Variants in OGFOD3 observed in about 807,000 individuals in gnomAD.
OGFOD3 encodes the protein 2-oxoglutarate and iron dependent oxygenase domain containing 3.
Under a neutral mutation model 39.8 loss-of-function variants are expected in OGFOD3, and 35 were observed. That is an observed-to-expected ratio of 0.88 (90% CI 0.67 to 1.17). The LOEUF (loss-of-function observed/expected upper bound fraction) is 1.17. Ranked by LOEUF, OGFOD3 falls within the 50% of genes most tolerant of loss-of-function variation. The pLI is 0.00. For synonymous variants in OGFOD3, 200 were observed against 192.0 expected, an observed-to-expected ratio of 1.04 and a Z score of -0.34; for missense variants, 438 against 454.5, an observed-to-expected ratio of 0.96 and a Z score of 0.33.
intron 2 of OGFOD3, among the ~76,000 whole-genome samples, chr17:82,413,281 C>A (rs561347504): frequency 6.6e-6 from 1 of 152,260 alleles, no homozygotes; most frequent in East Asian, 1.9e-4. Flanking sequence ...GGGTCCCCCG[C>A]GGCACAGGAG....
At position 82,415,277 on chromosome 17, in the gene OGFOD3, G is replaced by A; in HGVS notation, c.304+121C>T. 2.0e-6 allele frequency: 2 copies of A among 976,528 alleles called. No homozygotes were observed. Among genetic ancestry groups the A allele is most frequent in the Non-Finnish European group, 1.6e-6 (1 of 634,592 alleles). The allele number at this position is 976,528 out of a possible 1,614,324, so 60.5% of individuals were successfully genotyped here. A position where few individuals can be genotyped will look rare whatever the true frequency, so the allele number is the denominator to read the frequency against. On this transcript the variant is annotated intron_variant, in intron 2 of 8. Coordinates refer to ENST00000313056, the MANE Select transcript of OGFOD3 (RefSeq NM_024648.3). The surrounding 1 kb of genome is among the most constrained non-coding windows in gnomAD (Gnocchi z 5.3). ...ACGTGGACTAGCCAGCCTGCAGGAG[G>A]GGAGAGGTTGTCTGCTACCCCCAAG...
Position 82,404,186 on chromosome 17 carries a change from T to C in OGFOD3, c.546-96A>G. ...GTGGCAGGAAAGGAACCAGCCTTCGTACGGCTCCGGGCCCGCGGGGCGGGG... is the reference window on the plus strand; with the variant it reads ...GTGGCAGGAAAGGAACCAGCCTTCGCACGGCTCCGGGCCCGCGGGGCGGGG... On this transcript the variant is annotated intron_variant, in intron 6 of 8. Transcript: ENST00000313056. This position sits in a 1 kb window ranked among gnomAD's most constrained non-coding sequence, Gnocchi z 4.5. 7.2e-7 allele frequency: 1 copy of C among 1,385,876 alleles called. No individual in the cohort carries two copies. The highest frequency in any genetic ancestry group is 9.6e-7 in the Non-Finnish European group (1 of 1,045,758). 85.8% of individuals were successfully genotyped at this position (1,385,876 alleles called of 1,614,324 possible). A position where few individuals can be genotyped will look rare whatever the true frequency, so the allele number is the denominator to read the frequency against.
At chr17:82,397,612 G>A (rs56124523) in intron 8 of OGFOD3, among the ~76,000 whole-genome samples, 2 of 152,048 alleles carry the variant, frequency 1.3e-5, no homozygotes, top group Non-Finnish European at 2.9e-5. Context: ...TTACCCACAA[G>A]TTCAAGGAGC....
chr17:82,414,578 AC>A (rs1339504036), intron 2 of OGFOD3, among the ~76,000 whole-genome samples: 3 of 152,224 alleles, frequency 2.0e-5, no homozygotes, highest in Non-Finnish European at 4.4e-5. Context: ...ACCCACAACA[AC>A]ACACAACAGA....
At chr17:82,394,871 G>C (rs1240469903) in intron 8 of OGFOD3, among the ~76,000 whole-genome samples, 1 of 152,126 alleles carries the variant, frequency 6.6e-6, no homozygotes, top group African/African-American at 2.4e-5. Flanking sequence ...AGGCTCGGCC[G>C]AGCATCCCTG....
Position 82,415,304 on chromosome 17 carries a change from A to G in OGFOD3, c.304+94T>C. ...GAGAGGTTGTCTGCTACCCCCAAGC[A>G]TACCACATCCAACCCAATTCCCACC... On this transcript the variant is annotated intron_variant, in intron 2 of 8. Coordinates refer to ENST00000313056, the MANE Select transcript of OGFOD3 (RefSeq NM_024648.3). This position sits in a 1 kb window ranked among gnomAD's most constrained non-coding sequence, Gnocchi z 5.3. The G allele has an allele frequency of 8.0e-7, 1 of 1,257,572 alleles. No homozygotes were observed. Among genetic ancestry groups the G allele is most frequent in the Non-Finnish European group, 1.1e-6 (1 of 879,040 alleles). 77.9% of individuals were successfully genotyped at this position (1,257,572 alleles called of 1,614,324 possible).
chr17:82,411,335 C>A lies in OGFOD3; in HGVS notation c.380+120G>T, dbSNP rs966287945. 9 of 867,982 alleles carry A rather than the reference C, an allele frequency of 1.0e-5. No individual in the cohort carries two copies. In the East Asian group the frequency reaches 1.9e-4, roughly 18 times the overall value. The allele number at this position is 867,982 out of a possible 1,614,324, so 53.8% of individuals were successfully genotyped here. ...GTGCTGGGATTACAGGCGTGAGCCACCACGCCTGGCAATAAAATCCTTAAA... is the reference window on the plus strand; with the variant it reads ...GTGCTGGGATTACAGGCGTGAGCCAACACGCCTGGCAATAAAATCCTTAAA... On this transcript the variant is annotated intron_variant, in intron 3 of 8. Coordinates refer to ENST00000313056, the MANE Select transcript of OGFOD3 (RefSeq NM_024648.3).
At chr17:82,397,172 A>C (rs2052685755) in intron 8 of OGFOD3, among the ~76,000 whole-genome samples, 1 of 152,118 alleles carries the variant, frequency 6.6e-6, no homozygotes, top group Admixed American at 6.5e-5. Context: ...CAGGAATCTC[A>C]AAATAAACAA....
intron 7 of OGFOD3, among the ~76,000 whole-genome samples, chr17:82,398,593 T>C (rs2052715789): frequency 6.6e-6 from 1 of 152,106 alleles, no homozygotes; most frequent in Non-Finnish European, 1.5e-5. Context: ...GAGACAGGGT[T>C]TCACCTTGTT....
intron 8 of OGFOD3, among the ~76,000 whole-genome samples, chr17:82,397,438 G>T (rs1567866297): frequency 6.9e-6 from 1 of 145,576 alleles, no homozygotes; most frequent in Admixed American, 6.8e-5. Flanking sequence ...CTGGGGATGG[G>T]TGAGGCAGTG....
chr17:82,412,105 TGG>T (rs2052957307), intron 2 of OGFOD3, among the ~76,000 whole-genome samples: 1 of 64,030 alleles, frequency 1.6e-5, no homozygotes, highest in Non-Finnish European at 3.1e-5. Context: ...CTGAGACCAC[TGG>T]AGCAGAAAAC....
intron 2 of OGFOD3, chr17:82,411,793 G>T: frequency 2.0e-6 from 1 of 499,474 alleles, no homozygotes; most frequent in East Asian, 3.8e-5. Flanking sequence ...GAAAGTCACA[G>T]AAACCCCAGA....
At chr17:82,413,887 A>AG (rs2143291820) in intron 2 of OGFOD3, among the ~76,000 whole-genome samples, 1 of 151,798 alleles carries the variant, frequency 6.6e-6, no homozygotes, top group East Asian at 1.9e-4. Flanking sequence ...CCAAAAAAAA[A>AG]AAAAAGAAGA....
chr17:82,410,265 C>T (rs558105861), intron 3 of OGFOD3, among the ~76,000 whole-genome samples: 41 of 152,322 alleles, frequency 2.7e-4, no homozygotes, highest in African/African-American at 4.3e-4. Context: ...AGTAACCCTG[C>T]GTGGAGCTAG....
chr17:82,392,346 C>T lies in OGFOD3; in HGVS notation c.*52G>A, dbSNP rs575972777. The T allele has an allele frequency of 2.2e-4, 351 of 1,578,760 alleles. 4 individuals are homozygous for T. In the South Asian group the frequency reaches 3.5e-3, roughly 16 times the overall value. On this transcript the variant is annotated 3_prime_UTR_variant, in exon 9 of 9. Transcript: ENST00000313056. The surrounding 1 kb of genome is among the most constrained non-coding windows in gnomAD (Gnocchi z 4.2). ...GACGTGGGGGTGGGTGCACGACTGG[C>T]GCGGCTGCCTCCACACGGGCCCTCC... is the stretch of plus-strand genomic sequence containing the variant.
Position 82,404,405 on chromosome 17 carries a change from C to G in OGFOD3, c.546-315G>C, listed in dbSNP as rs983589861. ...CAGATGCCAGAGCCTCCAGGCTTCA[C>G]TTGCAGGGCCTGGAGCCCAGCCTCC... is the stretch of plus-strand genomic sequence containing the variant. On this transcript the variant is annotated intron_variant, in intron 6 of 8. Coordinates refer to ENST00000313056, the MANE Select transcript of OGFOD3 (RefSeq NM_024648.3). The surrounding 1 kb of genome is among the most constrained non-coding windows in gnomAD (Gnocchi z 4.5). Among the ~76,000 whole-genome samples, 5 of 152,218 alleles carry G rather than the reference C, an allele frequency of 3.3e-5. No individual in the cohort carries two copies.
chr17:82,392,713 C>T lies in OGFOD3; in HGVS notation c.824-179G>A, dbSNP rs540100991. 23 of 751,234 alleles carry T rather than the reference C, an allele frequency of 3.1e-5. No individual in the cohort carries two copies. Among genetic ancestry groups the T allele is most frequent in the Middle Eastern group, 3.7e-4 (1 of 2,682 alleles). The allele number at this position is 751,234 out of a possible 1,614,324, so 46.5% of individuals were successfully genotyped here. On this transcript the variant is annotated intron_variant, in intron 8 of 8. Transcript: ENST00000313056. This position sits in a 1 kb window ranked among gnomAD's most constrained non-coding sequence, Gnocchi z 4.2. The stretch of plus-strand genomic sequence containing the variant: ...AGGAAGGAGGAGCTGGAGAAACAAA[C>T]GCAGCAATGCTCAGGGGCCCTGTGG...
In OGFOD3 at chr17:82,392,485, C is replaced by G. The variant is rs1004109041; in HGVS notation, c.873G>C (p.Glu291Asp). Residue 291 changes from glutamate (E) to aspartate (D), a missense_variant, in exon 9 of 9, where the codon GAG becomes GAC. By Grantham distance (45) the Glu-to-Asp change is conservative. Transcript: ENST00000313056. This position sits in a 1 kb window ranked among gnomAD's most constrained non-coding sequence, Gnocchi z 4.2. ...CGTAACGGGTGCCCCAGTGGACCTT[C>G]TCCACGCGGTGTAGGTTCTCGGACC... The part of the protein sequence containing the change: ...TSGSENLHRV[E>D]KVHWGTRYAI... 1 of 1,608,288 alleles carries G rather than the reference C, an allele frequency of 6.2e-7. No homozygotes were observed. The highest frequency in any genetic ancestry group is 1.7e-5 in the Admixed American group (1 of 58,982).
intron 2 of OGFOD3, among the ~76,000 whole-genome samples, chr17:82,414,719 A>G (rs542427300): frequency 1.1e-4 from 17 of 152,252 alleles, no homozygotes; most frequent in Non-Finnish European, 2.2e-4. Flanking sequence ...GTTCAAGTGC[A>G]AAGCATTGAA....
Sources: allele counts gnomAD v4.1 joint callset (sites outside exome capture counted in the v4.1 genomes callset), GRCh38; gene constraint gnomAD v4.1.1; non-coding constraint Gnocchi (gnomAD v3.1); transcripts MANE v1.5; gene names NCBI Gene and HGNC (gene_info 2026-07-23, HGNC 2026-07-21).